JADE3: variants seen among roughly 807,000 people sequenced by gnomAD.
JADE3 encodes jade family PHD finger 3.
Under a neutral mutation model 50.1 loss-of-function variants are expected in JADE3, and 2 were observed. The observed-to-expected ratio is 0.04, with a 90% CI of 0.02 to 0.13. The LOEUF is 0.13. JADE3 is among the 10% of genes least tolerant of loss of function. The probability of loss-of-function intolerance (pLI) is 1.00; values close to 1 mark genes in which losing one functional copy is unlikely to be tolerated. For missense variants in JADE3, 475 were observed against 634.4 expected, an observed-to-expected ratio of 0.75 and a Z score of 2.70; for synonymous variants, 218 against 232.9, an observed-to-expected ratio of 0.94 and a Z score of 0.58.
intron 1 of JADE3, among the ~76,000 whole-genome samples, chrX:46,965,804 C>T (rs1927353697): frequency 9.0e-6 from 1 of 111,606 alleles, no homozygotes; most frequent in South Asian, 3.7e-4. Flanking sequence ...GTAGACATGG[C>T]TTGATTGTGG....
chrX:46,933,386 T>C (rs934155636), intron 1 of JADE3, among the ~76,000 whole-genome samples: 5 of 112,540 alleles, frequency 4.4e-5, no homozygotes, highest in African/African-American at 1.6e-4. Context: ...AGCTTAGTTA[T>C]ATACAGTATA....
At chrX:47,000,980 A>G (rs1556358927) in intron 4 of JADE3, among the ~76,000 whole-genome samples, 2 of 112,168 alleles carry the variant, frequency 1.8e-5, no homozygotes, top group Non-Finnish European at 1.9e-5. Context: ...ATTTACCATT[A>G]TAAGTGCTGT....
chrX:46,989,528 T>G (rs1171558738), intron 3 of JADE3, among the ~76,000 whole-genome samples: 1 of 111,777 alleles, frequency 8.9e-6, no homozygotes, highest in Non-Finnish European at 1.9e-5. Flanking sequence ...GTTGTGCTAC[T>G]TCCTTCTGGC....
chrX:47,041,917 G>A (rs1268259298), intron 8 of JADE3, among the ~76,000 whole-genome samples: 2 of 111,328 alleles, frequency 1.8e-5, no homozygotes, highest in African/African-American at 3.3e-5. Context: ...TGATCCACTC[G>A]CCTTGGCCTC....
rs1424980526 is a variant in JADE3 at position 47,060,241 on chromosome X, G to GT, written c.*1164_*1165insT. On this transcript the variant is annotated 3_prime_UTR_variant, in exon 11 of 11. Transcript: ENST00000614628. ...GGAAGAGAATAATTACATTTGCGGG[G>GT]GGGGGGGTGGATAAAAACATGTCTG... 12 of 102,649 alleles carry GT rather than the reference G, an allele frequency of 1.2e-4. No homozygotes were observed. Among genetic ancestry groups the GT allele is most frequent in the African/African-American group, 3.5e-4 (10 of 28,669 alleles). The allele number at this position is 102,649 out of a possible 1,213,427, so 8.5% of individuals were successfully genotyped here.
At chrX:47,045,813 TAAG>T (rs1336778945) in intron 8 of JADE3, among the ~76,000 whole-genome samples, 6 of 106,988 alleles carry the variant, frequency 5.6e-5, no homozygotes, top group African/African-American at 2.1e-4. Context: ...ATGAAGGAAT[TAAG>T]AAGAAAATTT....
At chrX:47,042,194 G>C (rs1929275914) in intron 8 of JADE3, among the ~76,000 whole-genome samples, 1 of 111,229 alleles carries the variant, frequency 9.0e-6, no homozygotes, top group African/African-American at 3.3e-5. Flanking sequence ...GTCTTGCTGT[G>C]TTGCCCAGGC....
In JADE3 at chrX:47,024,894, A is replaced by G. The variant is rs1556365240; in HGVS notation, c.455A>G (p.Asn152Ser). The G allele has an allele frequency of 5.9e-6, 7 of 1,178,618 alleles. No homozygotes were observed. Among genetic ancestry groups the G allele is most frequent in the Non-Finnish European group, 6.9e-6 (6 of 869,372 alleles). Residue 152 changes from asparagine to serine, a missense_variant, in exon 5 of 11, where the codon AAT (asparagine) becomes AGT (serine). Transcript: ENST00000614628. ...GACATCTTCTGGCTTCAGGAACTCA[A>G]TGAAGACCTTGCAGAAATGGGTAAG... ...DMDIFWLQELNEDLAEMGCGP... is the reference protein window; with the variant it reads ...DMDIFWLQELSEDLAEMGCGP...
chrX:46,987,613 A>G (rs782767637), intron 3 of JADE3, among the ~76,000 whole-genome samples: 2 of 112,303 alleles, frequency 1.8e-5, no homozygotes, highest in Admixed American at 1.9e-4. Flanking sequence ...ATATATGTCC[A>G]TGTCATACAG....
chrX:46,949,108 A>AT (rs1169547508), intron 1 of JADE3, among the ~76,000 whole-genome samples: 21 of 104,658 alleles, frequency 2.0e-4, no homozygotes, highest in East Asian at 1.2e-3. Context: ...TAATTTTTGT[A>AT]TTTTTTTTTT....
intron 1 of JADE3, among the ~76,000 whole-genome samples, chrX:46,969,600 G>C (rs1005710412): frequency 8.0e-5 from 9 of 112,162 alleles, no homozygotes; most frequent in Middle Eastern, 4.6e-3. Context: ...ACTTTGGGAG[G>C]CCAAGGCGGA....
intron 3 of JADE3, among the ~76,000 whole-genome samples, chrX:46,991,447 C>T (rs946505538): frequency 2.7e-5 from 3 of 110,562 alleles, no homozygotes; most frequent in African/African-American, 9.9e-5. Context: ...TTTGTTTATC[C>T]GTTCATCAGT....
chrX:46,923,393 C>CTCTTTGTTTTTTTTTTTTT (rs1556338199), intron 1 of JADE3, among the ~76,000 whole-genome samples: 1 of 11,525 alleles, frequency 8.7e-5, no homozygotes, highest in African/African-American at 2.0e-4. Context: ...CTCTCTCTCT[C>CTCTTTGTTTTTTTTTTTTT]TTTTTTTTTT....
At chrX:46,997,614 A>G (rs1928160814) in intron 3 of JADE3, among the ~76,000 whole-genome samples, 1 of 112,388 alleles carries the variant, frequency 8.9e-6, no homozygotes, top group South Asian at 3.6e-4. Context: ...GTATTATAGC[A>G]TTGCTACTTT....
chrX:46,938,295 G>A (rs1040565761), intron 1 of JADE3, among the ~76,000 whole-genome samples: 1 of 110,055 alleles, frequency 9.1e-6, no homozygotes, highest in Non-Finnish European at 1.9e-5. Context: ...CATTTTTAGT[G>A]CTACTACATT....
chrX:47,057,587 C>G (rs1929654684), intron 10 of JADE3, among the ~76,000 whole-genome samples: 1 of 111,041 alleles, frequency 9.0e-6, no homozygotes, highest in African/African-American at 3.3e-5. Context: ...GGAAATTATT[C>G]TAGGTTAAGG....
chrX:46,994,688 G>A (rs1032368580), intron 3 of JADE3, among the ~76,000 whole-genome samples: 3 of 111,917 alleles, frequency 2.7e-5, no homozygotes, highest in Non-Finnish European at 3.8e-5. Flanking sequence ...ACTGAGCTGT[G>A]AACTCATATC....
At chrX:47,014,330 A>C (rs1291065388) in intron 4 of JADE3, among the ~76,000 whole-genome samples, 3 of 112,200 alleles carry the variant, frequency 2.7e-5, no homozygotes, top group Non-Finnish European at 5.6e-5. Context: ...GGGCATGAAC[A>C]AGATGAATTT....
chrX:46,914,922 G>A (rs1556335956), intron 1 of JADE3, among the ~76,000 whole-genome samples: 1 of 112,245 alleles, frequency 8.9e-6, no homozygotes, highest in Non-Finnish European at 1.9e-5. Context: ...GTGCAGGGCT[G>A]GCATCATAGC....
Sources: allele counts gnomAD v4.1 joint callset (sites outside exome capture counted in the v4.1 genomes callset), GRCh38; gene constraint gnomAD v4.1.1; transcripts MANE v1.5; gene names NCBI Gene and HGNC (gene_info 2026-07-23, HGNC 2026-07-21).